The following PCSK6 variants were observed in gnomAD, a reference collection of about 807,000 sequenced individuals.
PCSK6 encodes the protein paired basic amino acid cleaving enzyme 4.
A neutral mutation model predicts 123.3 loss-of-function variants in PCSK6; 85 were observed. The observed-to-expected ratio is 0.69, with a 90% confidence interval of 0.58 to 0.83. The LOEUF is 0.83. Ranked by LOEUF, PCSK6 falls within the 40% of genes least tolerant of loss-of-function variation. The probability of loss-of-function intolerance (pLI) is 0.00; values close to 1 mark genes in which losing one functional copy is unlikely to be tolerated. For missense variants in PCSK6, 1,191 were observed against 1,282.3 expected (o/e 0.93, Z 1.09); for synonymous variants, 508 against 516.0 (o/e 0.98, Z 0.21).
intron 1 of PCSK6, among the ~76,000 whole-genome samples, chr15:101,464,165 C>T (rs2057402297): frequency 6.6e-6 from 1 of 152,154 alleles, no homozygotes. Context: ...GCTCCTGGGG[C>T]TGCTGCCTTG....
intron 19 of PCSK6, among the ~76,000 whole-genome samples, chr15:101,314,194 G>A (rs546610132): frequency 1.5e-4 from 23 of 152,016 alleles, no homozygotes; most frequent in Non-Finnish European, 3.4e-4. Context: ...GGAGAGACTC[G>A]AAGACACAAC....
intron 20 of PCSK6, chr15:101,313,116 G>A: frequency 7.0e-7 from 1 of 1,429,450 alleles, no homozygotes; most frequent in South Asian, 1.4e-5. Flanking sequence ...CACCAATGGG[G>A]TGTGAGCACC....
At position 101,340,025 on chromosome 15, in the gene PCSK6, C is replaced by T. The variant is rs115477505; in HGVS notation, c.1859-7994G>A. 6.7e-3 allele frequency among the ~76,000 whole-genome samples: 1,026 copies of T among 152,018 alleles called. 13 individuals carry two copies. The highest frequency in any genetic ancestry group is 0.024 in the African/African-American group (983 of 41,472). On this transcript the variant is annotated intron_variant, in intron 13 of 21. Coordinates refer to ENST00000611716, the MANE Select transcript of PCSK6 (RefSeq NM_002570.5). ...AATATCAACCTTTACTCAATAAACA[C>T]ATTATTAAAATACACTTTAAGTTCA...
At chr15:101,396,687 A>G (rs2042421855) in intron 7 of PCSK6, among the ~76,000 whole-genome samples, 1 of 151,754 alleles carries the variant, frequency 6.6e-6, no homozygotes, top group Non-Finnish European at 1.5e-5. Context: ...GTGTGCCAGC[A>G]CTCACTCAGC....
chr15:101,356,169 T>C (rs1043205945), intron 13 of PCSK6, among the ~76,000 whole-genome samples: 2 of 152,208 alleles, frequency 1.3e-5, no homozygotes, highest in African/African-American at 4.8e-5. Flanking sequence ...CTCCGACAGA[T>C]GTTCTGCAGG....
At chr15:101,435,922 T>C (rs938362569) in intron 2 of PCSK6, among the ~76,000 whole-genome samples, 2 of 152,220 alleles carry the variant, frequency 1.3e-5, no homozygotes, top group African/African-American at 4.8e-5. Context: ...CAAGCATCCT[T>C]TCAGCGAGCA....
intron 6 of PCSK6, among the ~76,000 whole-genome samples, chr15:101,400,285 T>A (rs1394292124): frequency 6.6e-6 from 1 of 152,222 alleles, no homozygotes; most frequent in East Asian, 1.9e-4. Flanking sequence ...GGCATTTCCC[T>A]GTGCCATTAA....
At chr15:101,352,849 G>A (rs1262480212) in intron 13 of PCSK6, among the ~76,000 whole-genome samples, 1 of 152,208 alleles carries the variant, frequency 6.6e-6, no homozygotes, top group Non-Finnish European at 1.5e-5. Flanking sequence ...AGATATCTCA[G>A]TGATACTGAA....
At chr15:101,347,621 G>A (rs1224339550) in intron 13 of PCSK6, 1 of 1,549,722 alleles carries the variant, frequency 6.5e-7, no homozygotes, top group East Asian at 2.3e-5. Context: ...CTGAGCCTCT[G>A]GGGGCGGGAG....
intron 1 of PCSK6, among the ~76,000 whole-genome samples, chr15:101,470,347 C>T (rs1044525612): frequency 6.6e-6 from 1 of 152,158 alleles, no homozygotes; most frequent in Non-Finnish European, 1.5e-5. Flanking sequence ...GTCAGCTTAA[C>T]ACTTTCTCCT....
At chr15:101,370,058 C>T (rs568401141) in intron 12 of PCSK6, among the ~76,000 whole-genome samples, 2 of 152,068 alleles carry the variant, frequency 1.3e-5, no homozygotes, top group South Asian at 2.1e-4. Flanking sequence ...CGCTAAACAA[C>T]AAAAAACGAA....
chr15:101,458,835 T>C (rs2057260758), intron 1 of PCSK6, among the ~76,000 whole-genome samples: 1 of 152,178 alleles, frequency 6.6e-6, no homozygotes, highest in Non-Finnish European at 1.5e-5. Context: ...ATTTAGCAGT[T>C]TTGGGTATAC....
At chr15:101,386,854 T>C (rs1162472846) in intron 9 of PCSK6, among the ~76,000 whole-genome samples, 1 of 152,156 alleles carries the variant, frequency 6.6e-6, no homozygotes, top group Non-Finnish European at 1.5e-5. Flanking sequence ...CACCCACAAG[T>C]GGGATTGCTG....
chr15:101,462,708 A>C (rs1366676400), intron 1 of PCSK6, among the ~76,000 whole-genome samples: 1 of 152,240 alleles, frequency 6.6e-6, no homozygotes, highest in Non-Finnish European at 1.5e-5. Context: ...TCATATGAGA[A>C]AAAAATAAAA....
At chr15:101,388,229 A>G (rs1370333677) in intron 9 of PCSK6, among the ~76,000 whole-genome samples, 1 of 152,228 alleles carries the variant, frequency 6.6e-6, no homozygotes, top group Admixed American at 6.5e-5. Flanking sequence ...TTGGCCTGGA[A>G]ATCAAAAATA....
At chr15:101,442,825 G>T (rs146082145) in intron 2 of PCSK6, among the ~76,000 whole-genome samples, 182 of 152,222 alleles carry the variant, frequency 1.2e-3, no homozygotes, top group Middle Eastern at 3.4e-3. Context: ...TCATCGCCCT[G>T]TGACATATCA....
intron 13 of PCSK6, chr15:101,346,725 GTCATTT>G: frequency 1.6e-6 from 2 of 1,219,140 alleles, no homozygotes; most frequent in Non-Finnish European, 2.0e-6. Context: ...CCTCAGATCT[GTCATTT>G]TCATTTTCAT....
chr15:101,454,460 C>G (rs1047714495), intron 1 of PCSK6, among the ~76,000 whole-genome samples: 2 of 152,256 alleles, frequency 1.3e-5, no homozygotes, highest in Admixed American at 6.5e-5. Flanking sequence ...GGAGGAAACT[C>G]TGATGCATGC....
chr15:101,405,907 T>C (rs1331029382), intron 6 of PCSK6, among the ~76,000 whole-genome samples: 1 of 152,136 alleles, frequency 6.6e-6, no homozygotes, highest in Non-Finnish European at 1.5e-5. Context: ...CACGCCTGGC[T>C]AATTTTTATA....
Sources: allele counts gnomAD v4.1 joint callset (sites outside exome capture counted in the v4.1 genomes callset), GRCh38; gene constraint gnomAD v4.1.1; transcripts MANE v1.5; gene names NCBI Gene and HGNC (gene_info 2026-07-23, HGNC 2026-07-21).